PYROXD1: variants seen among roughly 807,000 people sequenced by gnomAD.
PYROXD1 encodes the protein tRNA ligase complex-associated NAD(P)H dehydrogenase PYROXD1.
PYROXD1 carries 42 observed loss-of-function variants against 62.0 expected under a neutral mutation model. The observed-to-expected ratio is 0.68, with a 90% confidence interval of 0.53 to 0.88. The LOEUF is 0.88. PYROXD1 is among the 40% of genes least tolerant of loss of function. The probability of loss-of-function intolerance (pLI) is 0.00; values close to 1 mark genes in which losing one functional copy is unlikely to be tolerated. For synonymous variants in PYROXD1, 170 were observed against 206.4 expected (o/e 0.82, Z 1.51); for missense variants, 493 against 604.8 (o/e 0.82, Z 1.94).
At chr12:21,447,239 T>C in intron 3 of PYROXD1, among the ~76,000 whole-genome samples, 1 of 152,164 alleles carries the variant, frequency 6.6e-6, no homozygotes, top group East Asian at 1.9e-4. Flanking sequence ...ATAAAACACA[T>C]ATATACCACA....
chr12:21,443,037 T>C (rs1242986415), intron 2 of PYROXD1, among the ~76,000 whole-genome samples: 1 of 152,178 alleles, frequency 6.6e-6, no homozygotes, highest in Non-Finnish European at 1.5e-5. Context: ...AATGGGGGAA[T>C]GAAGGCTGGT....
At chr12:21,447,305 A>T (rs549992896) in intron 3 of PYROXD1, among the ~76,000 whole-genome samples, 5 of 152,204 alleles carry the variant, frequency 3.3e-5, no homozygotes, top group Non-Finnish European at 7.3e-5. Context: ...AGGAAAAAAT[A>T]AAAAATCTGA....
intron 10 of PYROXD1, among the ~76,000 whole-genome samples, chr12:21,466,599 C>G (rs1257012773): frequency 6.6e-6 from 1 of 152,170 alleles, no homozygotes; most frequent in Non-Finnish European, 1.5e-5. Context: ...ACAATCATGT[C>G]ATCTGCAAAC....
At chr12:21,467,828 ATT>A (rs1273328460) in intron 11 of PYROXD1, among the ~76,000 whole-genome samples, 1 of 151,814 alleles carries the variant, frequency 6.6e-6, no homozygotes, top group Non-Finnish European at 1.5e-5. Flanking sequence ...CCACTATTCT[ATT>A]TTAGTTAAGA....
chr12:21,454,781 T>C (rs906135808), intron 5 of PYROXD1: 3 of 156,726 alleles, frequency 1.9e-5, no homozygotes. Context: ...TATAACCAGA[T>C]TTTTTAAAAA....
intron 7 of PYROXD1, among the ~76,000 whole-genome samples, chr12:21,459,953 A>T (rs955296753): frequency 3.3e-5 from 5 of 152,244 alleles, no homozygotes; most frequent in African/African-American, 1.2e-4. Context: ...AAAAGTTATT[A>T]GATGGATTGG....
At position 21,470,674 on chromosome 12, in the gene PYROXD1, A is replaced by G. The variant is rs1388004770; in HGVS notation, c.*1920A>G. ...AACAGCAGAAACAGACTTCTCAACT[A>G]TTAGTAATCACAACCAAATAAGAGC... is the stretch of plus-strand genomic sequence containing the variant. On this transcript the variant is annotated 3_prime_UTR_variant, in exon 12 of 12. Coordinates refer to ENST00000240651, the MANE Select transcript of PYROXD1 (RefSeq NM_024854.5). 4.9e-5 allele frequency: 15 copies of G among 305,742 alleles called. No homozygotes were observed. The highest frequency in any genetic ancestry group is 7.1e-5 in the Non-Finnish European group (12 of 169,360). The allele number at this position is 305,742 out of a possible 1,614,324, so 18.9% of individuals were successfully genotyped here. A position where few individuals can be genotyped will look rare whatever the true frequency, so the allele number is the denominator to read the frequency against.
chr12:21,461,711 GAGAAATAATTT>G (rs1251155827), intron 8 of PYROXD1, among the ~76,000 whole-genome samples: 3 of 152,136 alleles, frequency 2.0e-5, no homozygotes, highest in Admixed American at 1.3e-4. Flanking sequence ...AAGATTTTTA[GAGAAATAATTT>G]AGAAATAATT....
chr12:21,462,389 C>T (rs576904608), intron 9 of PYROXD1, among the ~76,000 whole-genome samples: 7 of 151,902 alleles, frequency 4.6e-5, no homozygotes, highest in Non-Finnish European at 8.8e-5. Context: ...TGACACCTCC[C>T]GTGACTTCTC....
chr12:21,446,212 A>G (rs1045776876), intron 3 of PYROXD1, among the ~76,000 whole-genome samples: 2 of 151,958 alleles, frequency 1.3e-5, no homozygotes, highest in Admixed American at 6.6e-5. Context: ...TCATGAGGTC[A>G]GGAGATTGAG....
intron 10 of PYROXD1, among the ~76,000 whole-genome samples, chr12:21,465,215 T>A (rs535255241): frequency 6.6e-6 from 1 of 152,320 alleles, no homozygotes; most frequent in South Asian, 2.1e-4. Context: ...AAATGGTATT[T>A]CTAGTTCTAG....
chr12:21,443,865 C>T (rs1942340496), intron 2 of PYROXD1, among the ~76,000 whole-genome samples: 1 of 152,002 alleles, frequency 6.6e-6, no homozygotes. Flanking sequence ...TAGCTTAGTA[C>T]TTAGGTATAG....
At chr12:21,454,047 A>G (rs1027913942) in intron 5 of PYROXD1, among the ~76,000 whole-genome samples, 2 of 152,084 alleles carry the variant, frequency 1.3e-5, no homozygotes, top group Admixed American at 1.3e-4. Context: ...AGAGCTGGAA[A>G]AACGAAGACT....
intron 2 of PYROXD1, among the ~76,000 whole-genome samples, chr12:21,443,386 T>C (rs1292933585): frequency 6.6e-6 from 1 of 152,104 alleles, no homozygotes; most frequent in African/African-American, 2.4e-5. Flanking sequence ...GAAAAGTGCT[T>C]CCAAGCCAAG....
Position 21,467,471 on chromosome 12 carries a change from A to G in PYROXD1, c.1117-10A>G. On this transcript the variant is annotated splice_polypyrimidine_tract_variant and intron_variant, in intron 10 of 11. Transcript: ENST00000240651. ...AAATGACATTGTGTAACATTTTTTC[A>G]TCATTTCAGATGAGGCTGTGGACCC... 6.3e-7 allele frequency: 1 copy of G among 1,580,890 alleles called. No individual in the cohort carries two copies. The highest frequency in any genetic ancestry group is 8.6e-7 in the Non-Finnish European group (1 of 1,168,108).
intron 10 of PYROXD1, among the ~76,000 whole-genome samples, chr12:21,465,065 A>G (rs1340390565): frequency 1.3e-5 from 2 of 152,206 alleles, no homozygotes; most frequent in African/African-American, 4.8e-5. Flanking sequence ...AATCCAGTCT[A>G]TCATTGTTGG....
At chr12:21,462,705 C>G in intron 9 of PYROXD1, 35 bp from the exon 10 acceptor site, 1 of 1,600,818 alleles carries the variant, frequency 6.2e-7, no homozygotes. Flanking sequence ...TTTCATTTTT[C>G]TTAACACTTA....
intron 8 of PYROXD1, among the ~76,000 whole-genome samples, chr12:21,461,662 G>A (rs961192250): frequency 1.3e-5 from 2 of 152,132 alleles, no homozygotes; most frequent in Non-Finnish European, 2.9e-5. Flanking sequence ...AAGACACCTA[G>A]TTGAACTAAA....
intron 4 of PYROXD1, 77 bp downstream of exon 4, chr12:21,449,768 A>G: frequency 3.8e-6 from 5 of 1,302,402 alleles, no homozygotes; most frequent in Non-Finnish European, 5.3e-6. Context: ...TCCACTTACA[A>G]TTCCTAAACT....
Sources: gnomAD v4.1 joint callset for allele counts (sites outside exome capture counted in the v4.1 genomes callset) on GRCh38, gnomAD v4.1.1 for gene constraint, MANE v1.5 for transcripts, NCBI Gene and HGNC (gene_info 2026-07-23, HGNC 2026-07-21) for gene names.